The following GPHN variants were observed in gnomAD, a reference collection of about 807,000 sequenced individuals.
GPHN encodes the protein gephyrin.
A neutral mutation model predicts 95.5 loss-of-function variants in GPHN; 17 were observed. The ratio of observed to expected loss-of-function variants is 0.18; its 90% CI spans 0.12 to 0.27. GPHN has a LOEUF of 0.27. Among genes scored for constraint, GPHN ranks in the 10% least tolerant of loss-of-function variants. GPHN has a pLI of 1.00. For missense variants in GPHN, 660 were observed against 978.1 expected (o/e 0.67, Z 4.34); for synonymous variants, 320 against 322.5 (o/e 0.99, Z 0.08).
At chr14:67,013,996 T>A (rs1050528032) in intron 9 of GPHN, among the ~76,000 whole-genome samples, 5 of 152,184 alleles carry the variant, frequency 3.3e-5, no homozygotes, top group Non-Finnish European at 5.9e-5. Flanking sequence ...CCTCTATTTT[T>A]TAGAATTAAT....
the GPHN span, among the ~76,000 whole-genome samples, chr14:67,344,098 T>C: frequency 6.6e-6 from 1 of 152,226 alleles, no homozygotes; most frequent in African/African-American, 2.4e-5. Context: ...CACTGATTTG[T>C]TTCTGATTCA....
the GPHN span, chr14:67,317,348 G>C: frequency 1.5e-6 from 2 of 1,370,860 alleles, no homozygotes; most frequent in Admixed American, 4.3e-5. Context: ...TCTTCAATTT[G>C]AGTTATGTGG....
At chr14:67,685,286 G>A in the GPHN span, 2 of 1,127,220 alleles carry the variant, frequency 1.8e-6, no homozygotes, top group Non-Finnish European at 2.5e-6. Context: ...ATGTAAATAA[G>A]CATGTGACCT....
chr14:67,226,691 A>C, the GPHN span, among the ~76,000 whole-genome samples: 2 of 152,182 alleles, frequency 1.3e-5, no homozygotes, highest in African/African-American at 4.8e-5. Flanking sequence ...GGGCCCCCCA[A>C]GATGCACACT....
At chr14:67,601,622 G>T in the GPHN span, among the ~76,000 whole-genome samples, 1 of 112,198 alleles carries the variant, frequency 8.9e-6, no homozygotes, top group Non-Finnish European at 2.2e-5. Context: ...CTTGTGATGG[G>T]CTGGGCATGG....
intron 1 of GPHN, among the ~76,000 whole-genome samples, chr14:66,528,450 T>TA (rs1433884133): frequency 4.6e-5 from 7 of 152,236 alleles, no homozygotes; most frequent in African/African-American, 1.7e-4. Flanking sequence ...TTGGGGCATT[T>TA]AGCCCATTTA....
chr14:66,690,966 A>G (rs1412720833), intron 2 of GPHN, among the ~76,000 whole-genome samples: 2 of 151,890 alleles, frequency 1.3e-5, no homozygotes, highest in Non-Finnish European at 2.9e-5. Flanking sequence ...TATTATTCGA[A>G]CTCCTATATG....
At chr14:67,305,704 CGTT>C in the GPHN span, among the ~76,000 whole-genome samples, 4 of 152,236 alleles carry the variant, frequency 2.6e-5, no homozygotes, top group East Asian at 3.9e-4. Flanking sequence ...TGTTGATTCT[CGTT>C]GTATGCAAAA....
At chr14:66,723,356 CT>C in intron 2 of GPHN, among the ~76,000 whole-genome samples, 1 of 149,672 alleles carries the variant, frequency 6.7e-6, no homozygotes, top group Non-Finnish European at 1.5e-5. Context: ...AAAGGTTAAC[CT>C]TTTGGTTATA....
At chr14:66,800,098 C>G (rs1033938603) in intron 3 of GPHN, among the ~76,000 whole-genome samples, 4 of 152,032 alleles carry the variant, frequency 2.6e-5, no homozygotes, top group African/African-American at 9.7e-5. Context: ...AAAGTCTACA[C>G]TTTAACGTTA....
At chr14:67,255,258 T>C in the GPHN span, among the ~76,000 whole-genome samples, 1 of 152,302 alleles carries the variant, frequency 6.6e-6, no homozygotes, top group South Asian at 2.1e-4. Context: ...AAAATCTGCA[T>C]GGAGTACATT....
chr14:67,519,024 T>C, the GPHN span, among the ~76,000 whole-genome samples: 1 of 152,130 alleles, frequency 6.6e-6, no homozygotes, highest in Non-Finnish European at 1.5e-5. Context: ...TGGATCAGCT[T>C]TACAGGAAAA....
At chr14:66,568,753 T>G (rs1264198317) in intron 1 of GPHN, among the ~76,000 whole-genome samples, 3 of 152,122 alleles carry the variant, frequency 2.0e-5, no homozygotes, top group Non-Finnish European at 4.4e-5. Flanking sequence ...ACTTTTTATA[T>G]TCTCTATTCC....
intron 16 of GPHN, among the ~76,000 whole-genome samples, chr14:67,121,211 C>A (rs972955551): frequency 2.0e-5 from 3 of 151,996 alleles, no homozygotes; most frequent in Admixed American, 6.6e-5. Flanking sequence ...AAAACTGATA[C>A]ATAAATTGTT....
the GPHN span, among the ~76,000 whole-genome samples, chr14:67,524,636 G>A: frequency 6.6e-6 from 1 of 152,246 alleles, no homozygotes; most frequent in East Asian, 1.9e-4. Flanking sequence ...TGCGAGATGG[G>A]CTTGAATTAG....
intron 1 of GPHN, among the ~76,000 whole-genome samples, chr14:66,657,795 C>T (rs1279468202): frequency 4.6e-5 from 7 of 152,160 alleles, no homozygotes; most frequent in South Asian, 2.1e-4. Flanking sequence ...CAGTGCCCCT[C>T]GTCAGCCAAG....
At chr14:66,801,806 C>T (rs1046798900) in intron 3 of GPHN, among the ~76,000 whole-genome samples, 14 of 143,470 alleles carry the variant, frequency 9.8e-5, no homozygotes, top group African/African-American at 1.3e-4. Flanking sequence ...CTCCCGCTCC[C>T]GCTCCCTCTC....
chr14:67,255,570 CTTATT>C, the GPHN span, among the ~76,000 whole-genome samples: 2 of 152,150 alleles, frequency 1.3e-5, no homozygotes, highest in African/African-American at 2.4e-5. Flanking sequence ...TTTAGAAATT[CTTATT>C]TTATTGTTGC....
At chr14:67,251,259 C>T in the GPHN span, among the ~76,000 whole-genome samples, 8 of 152,158 alleles carry the variant, frequency 5.3e-5, no homozygotes, top group African/African-American at 1.9e-4. Context: ...GTGAGGCTGG[C>T]GCAGTGGCTC....
Sources: gnomAD v4.1 joint callset for allele counts (sites outside exome capture counted in the v4.1 genomes callset) on GRCh38, gnomAD v4.1.1 for gene constraint, MANE v1.5 for transcripts, NCBI Gene and HGNC (gene_info 2026-07-23, HGNC 2026-07-21) for gene names.